The following PLPPR1 variants were observed in gnomAD, a reference collection of about 807,000 sequenced individuals.
PLPPR1 encodes the protein phospholipid phosphatase related 1.
PLPPR1 carries 10 observed loss-of-function variants against 33.1 expected under a neutral mutation model. The ratio of observed to expected loss-of-function variants is 0.30; its 90% CI spans 0.19 to 0.51. The LOEUF is 0.51. Among genes scored for constraint, PLPPR1 ranks in the 20% least tolerant of loss-of-function variants. The probability of loss-of-function intolerance (pLI) is 0.97; values close to 1 mark genes in which losing one functional copy is unlikely to be tolerated. For synonymous variants in PLPPR1, 151 were observed against 151.0 expected, an observed-to-expected ratio of 1.00 and a Z score of 0.00; for missense variants, 304 against 408.1, an observed-to-expected ratio of 0.74 and a Z score of 2.20.
chr9:101,297,220 A>G (rs888489720), intron 4 of PLPPR1, among the ~76,000 whole-genome samples: 3 of 151,056 alleles, frequency 2.0e-5, no homozygotes, highest in Admixed American at 1.3e-4. Context: ...ACTAAAGATA[A>G]TTTTTTTAAA....
chr9:101,067,798 G>C (rs1045290720), intron 1 of PLPPR1, among the ~76,000 whole-genome samples: 2 of 152,042 alleles, frequency 1.3e-5, no homozygotes, highest in African/African-American at 4.8e-5. Flanking sequence ...TTGTGACTAA[G>C]AGAACAGGCT....
Position 101,292,834 on chromosome 9 carries a change from C to A in PLPPR1, c.385+6598C>A, listed in dbSNP as rs868035504. Among the ~76,000 whole-genome samples the A allele has an allele frequency of 7.9e-3, 1,207 of 151,990 alleles. 15 individuals are homozygous for A. The highest frequency in any genetic ancestry group is 0.026 in the African/African-American group (1,076 of 41,340). On this transcript the variant is annotated intron_variant, in intron 4 of 7. Transcript: ENST00000374874. ...AAACATGGAAAGGAACAACCAGTAC[C>A]AGCCACTGCAAAATCATGCCAAATT...
chr9:101,307,148 C>T (rs1486777342), intron 4 of PLPPR1, among the ~76,000 whole-genome samples: 2 of 152,178 alleles, frequency 1.3e-5, no homozygotes, highest in East Asian at 3.9e-4. Flanking sequence ...CCACAGAAGG[C>T]AGAGAGAAGA....
chr9:101,109,629 A>C (rs905538270), intron 1 of PLPPR1, among the ~76,000 whole-genome samples: 16 of 152,214 alleles, frequency 1.1e-4, no homozygotes, highest in Non-Finnish European at 2.2e-4. Context: ...AAAGGTATAC[A>C]TAGTAGGTTC....
intron 2 of PLPPR1, among the ~76,000 whole-genome samples, chr9:101,242,350 C>G (rs1476011252): frequency 2.6e-5 from 4 of 151,926 alleles, no homozygotes; most frequent in African/African-American, 2.4e-5. Context: ...TAGATTCAAC[C>G]TCTCAGTGAG....
rs1425764687 is a variant in PLPPR1 at position 101,246,329 on chromosome 9, T to C, written c.64-23551T>C. Among the ~76,000 whole-genome samples, 28 of 151,814 alleles carry C rather than the reference T, an allele frequency of 1.8e-4. 1 individual carries two copies. Among genetic ancestry groups the C allele is most frequent in the Admixed American group, 1.8e-3 (28 of 15,220 alleles). The stretch of plus-strand genomic sequence containing the variant: ...GAAAAACTCTATTAACATTCCCTAA[T>C]TAAGAGGACAGGGACAGACTGTGGG... On this transcript the variant is annotated intron_variant, in intron 2 of 7. Coordinates refer to ENST00000374874, the MANE Select transcript of PLPPR1 (RefSeq NM_207299.2).
chr9:101,228,903 G>A (rs1464713324), intron 2 of PLPPR1, among the ~76,000 whole-genome samples: 2 of 148,210 alleles, frequency 1.3e-5, no homozygotes, highest in Non-Finnish European at 3.0e-5. Context: ...TAAGTGAGTT[G>A]AATGGATAAG....
chr9:101,323,190 T>G (rs1465497953), intron 7 of PLPPR1, among the ~76,000 whole-genome samples: 1 of 152,104 alleles, frequency 6.6e-6, no homozygotes. Context: ...CAGAATTATA[T>G]AGAGAATAAG....
At chr9:101,156,249 G>A (rs1380735943) in intron 1 of PLPPR1, among the ~76,000 whole-genome samples, 1 of 152,078 alleles carries the variant, frequency 6.6e-6, no homozygotes, top group African/African-American at 2.4e-5. Flanking sequence ...TCTAGCTAAT[G>A]TTAGAGATAG....
chr9:101,289,746 C>G (rs2118921153), intron 4 of PLPPR1, among the ~76,000 whole-genome samples: 1 of 152,300 alleles, frequency 6.6e-6, no homozygotes, highest in Admixed American at 6.5e-5. Context: ...TGAGGCTTCC[C>G]CAGCCACATG....
intron 1 of PLPPR1, among the ~76,000 whole-genome samples, chr9:101,039,835 G>A (rs1178806984): frequency 6.6e-6 from 1 of 151,434 alleles, no homozygotes. Flanking sequence ...ACCTCCCACC[G>A]GGCTCCTCCC....
chr9:101,089,875 ATGTATTAGT>A (rs1284455511), intron 1 of PLPPR1, among the ~76,000 whole-genome samples: 2 of 152,128 alleles, frequency 1.3e-5, no homozygotes, highest in African/African-American at 4.8e-5. Flanking sequence ...TTTTTGCAAG[ATGTATTAGT>A]TGTCCAGGGC....
chr9:101,217,948 A>T (rs1314248338), intron 2 of PLPPR1, among the ~76,000 whole-genome samples: 1 of 152,202 alleles, frequency 6.6e-6, no homozygotes, highest in African/African-American at 2.4e-5. Flanking sequence ...TGAAGAACAC[A>T]TTTGAAGAAT....
At chr9:101,121,580 T>TA (rs1831178976) in intron 1 of PLPPR1, among the ~76,000 whole-genome samples, 2 of 152,222 alleles carry the variant, frequency 1.3e-5, no homozygotes, top group African/African-American at 4.8e-5. Flanking sequence ...GTATTTTTTT[T>TA]GTCAATGACT....
chr9:101,264,066 A>G (rs2118884906), intron 2 of PLPPR1, among the ~76,000 whole-genome samples: 1 of 152,178 alleles, frequency 6.6e-6, no homozygotes, highest in East Asian at 1.9e-4. Flanking sequence ...CTAGCCTACT[A>G]CATTGGTTTC....
At chr9:101,095,966 A>G (rs1830812059) in intron 1 of PLPPR1, among the ~76,000 whole-genome samples, 1 of 152,214 alleles carries the variant, frequency 6.6e-6, no homozygotes, top group Non-Finnish European at 1.5e-5. Flanking sequence ...ATGAATGAAC[A>G]TGGAATGCCT....
chr9:101,207,771 A>G (rs1367864236), intron 2 of PLPPR1, among the ~76,000 whole-genome samples: 2 of 152,196 alleles, frequency 1.3e-5, no homozygotes, highest in African/African-American at 4.8e-5. Context: ...TGTGCCTCTG[A>G]GAGATTTTGA....
At chr9:101,134,976 C>T (rs1203682454) in intron 1 of PLPPR1, among the ~76,000 whole-genome samples, 1 of 152,106 alleles carries the variant, frequency 6.6e-6, no homozygotes, top group Non-Finnish European at 1.5e-5. Flanking sequence ...CACCCTTCCC[C>T]ATTTTGCAGA....
intron 3 of PLPPR1, among the ~76,000 whole-genome samples, chr9:101,275,379 C>T (rs1263917063): frequency 6.6e-6 from 1 of 152,218 alleles, no homozygotes; most frequent in Non-Finnish European, 1.5e-5. Context: ...TTTCCTATTT[C>T]TCCTTTTGTG....
Sources: gnomAD v4.1 joint callset for allele counts (sites outside exome capture counted in the v4.1 genomes callset) on GRCh38, gnomAD v4.1.1 for gene constraint, MANE v1.5 for transcripts, NCBI Gene and HGNC (gene_info 2026-07-23, HGNC 2026-07-21) for gene names.